TRDN: variants seen among roughly 807,000 people sequenced by gnomAD.
TRDN encodes triadin in skeletal muscle.
Under a neutral mutation model 149.7 loss-of-function variants are expected in TRDN, and 161 were observed. The observed-to-expected ratio is 1.08, with a 90% confidence interval of 0.95 to 1.23. TRDN has a LOEUF of 1.23. Ranked by LOEUF, TRDN falls within the 50% of genes most tolerant of loss-of-function variation. The pLI, the probability that TRDN is intolerant of heterozygous loss-of-function variation, is 0.00. For missense variants in TRDN, 896 were observed against 823.5 expected (o/e 1.09, Z -1.08); for synonymous variants, 294 against 250.5 (o/e 1.17, Z -1.64).
chr6:123,428,867 T>C (rs1774226178), intron 12 of TRDN, among the ~76,000 whole-genome samples: 2 of 152,198 alleles, frequency 1.3e-5, no homozygotes, highest in Admixed American at 6.5e-5. Flanking sequence ...AGACAAGATC[T>C]ATGTCTATTA....
chr6:123,272,276 A>G (rs1053150685), intron 29 of TRDN, among the ~76,000 whole-genome samples: 1 of 152,002 alleles, frequency 6.6e-6, no homozygotes, highest in African/African-American at 2.4e-5. Context: ...CAAATTGGGT[A>G]CATATTTCAG....
At chr6:123,295,690 G>A (rs533832583) in intron 24 of TRDN, among the ~76,000 whole-genome samples, 1 of 151,948 alleles carries the variant, frequency 6.6e-6, no homozygotes, top group East Asian at 1.9e-4. Context: ...ATCAATTAAC[G>A]TGGTAGCTCA....
At chr6:123,290,147 T>G (rs1777951827) in intron 24 of TRDN, among the ~76,000 whole-genome samples, 1 of 152,154 alleles carries the variant, frequency 6.6e-6, no homozygotes. Context: ...CCTTGAGTAA[T>G]GCAGTTCACT....
At chr6:123,301,991 T>C (rs920522676) in intron 24 of TRDN, among the ~76,000 whole-genome samples, 19 of 150,014 alleles carry the variant, frequency 1.3e-4, no homozygotes, top group African/African-American at 4.6e-4. Flanking sequence ...GTTATTCACC[T>C]ATACATCCTC....
At chr6:123,251,232 T>C (rs1227004213) in intron 38 of TRDN, among the ~76,000 whole-genome samples, 1 of 152,154 alleles carries the variant, frequency 6.6e-6, no homozygotes, top group Non-Finnish European at 1.5e-5. Flanking sequence ...TTGAATGACA[T>C]GTGGTATCAT....
chr6:123,233,489 A>G (rs1222284145), intron 38 of TRDN, among the ~76,000 whole-genome samples: 2 of 152,100 alleles, frequency 1.3e-5, no homozygotes, highest in African/African-American at 2.4e-5. Flanking sequence ...CATCACTCCC[A>G]GGATAAACAC....
chr6:123,375,095 A>G (rs550890715), intron 19 of TRDN, among the ~76,000 whole-genome samples: 10 of 152,304 alleles, frequency 6.6e-5, no homozygotes, highest in African/African-American at 2.4e-4. Context: ...CAAAGTTACC[A>G]TTGCTGCAAA....
At chr6:123,423,899 AT>A (rs1774011087) in intron 12 of TRDN, among the ~76,000 whole-genome samples, 1 of 152,112 alleles carries the variant, frequency 6.6e-6, no homozygotes, top group East Asian at 1.9e-4. Flanking sequence ...CTTAAAGACT[AT>A]GGACAGCACT....
chr6:123,298,109 A>G (rs1778269857), intron 24 of TRDN, among the ~76,000 whole-genome samples: 1 of 152,082 alleles, frequency 6.6e-6, no homozygotes, highest in Non-Finnish European at 1.5e-5. Context: ...CATTGTTTTA[A>G]AAACCAGATA....
chr6:123,326,281 C>T (rs1259061027), intron 23 of TRDN, among the ~76,000 whole-genome samples: 1 of 152,044 alleles, frequency 6.6e-6, no homozygotes. Flanking sequence ...TAGCCAGCTT[C>T]CAGCTCTAGA....
chr6:123,591,736 G>GA (rs1312730114), intron 1 of TRDN, among the ~76,000 whole-genome samples: 36 of 152,060 alleles, frequency 2.4e-4, no homozygotes, highest in Non-Finnish European at 3.8e-4. Flanking sequence ...AATCTATGAA[G>GA]AAAAAAACCA....
Position 123,337,682 on chromosome 6 carries a change from T to C in TRDN, c.1370-13A>G, listed in dbSNP as rs1779923903. Reference sequence around the variant, plus strand: ...TCTTTTCTAATTTCTGCAAGAGAGATCATGGGAAGAAAAAGTTACAAGGAA... The same window carrying C: ...TCTTTTCTAATTTCTGCAAGAGAGACCATGGGAAGAAAAAGTTACAAGGAA... On this transcript the variant is annotated splice_polypyrimidine_tract_variant and intron_variant, in intron 21 of 40. Coordinates refer to ENST00000334268, the MANE Select transcript of TRDN (RefSeq NM_006073.4). 13 of 1,439,028 alleles carry C rather than the reference T, an allele frequency of 9.0e-6. No homozygotes were observed. The highest frequency in any genetic ancestry group is 1.2e-5 in the Non-Finnish European group (13 of 1,073,146). 89.1% of individuals were successfully genotyped at this position (1,439,028 alleles called of 1,614,324 possible).
At chr6:123,225,917 G>C (rs974151504) in intron 38 of TRDN, among the ~76,000 whole-genome samples, 37 of 151,774 alleles carry the variant, frequency 2.4e-4, no homozygotes, top group African/African-American at 8.4e-4. Context: ...CTGAAAGAAG[G>C]TCAGTTTTGT....
chr6:123,331,670 T>G (rs1221621411), intron 23 of TRDN, among the ~76,000 whole-genome samples: 1 of 152,050 alleles, frequency 6.6e-6, no homozygotes, highest in Non-Finnish European at 1.5e-5. Context: ...TTTTGCAGTA[T>G]TTCTGATGCA....
At chr6:123,443,892 T>C (rs1433744637) in intron 10 of TRDN, among the ~76,000 whole-genome samples, 3 of 151,156 alleles carry the variant, frequency 2.0e-5, no homozygotes, top group Non-Finnish European at 4.4e-5. Flanking sequence ...TCTGTTTTGG[T>C]ACCAGTACCA....
chr6:123,224,869 A>G (rs1775298493), intron 38 of TRDN, among the ~76,000 whole-genome samples: 1 of 151,804 alleles, frequency 6.6e-6, no homozygotes, highest in Admixed American at 6.6e-5. Context: ...TGACACTAAA[A>G]GTATAGGCAA....
chr6:123,347,376 G>A (rs1780293985), intron 21 of TRDN, among the ~76,000 whole-genome samples: 2 of 151,610 alleles, frequency 1.3e-5, no homozygotes, highest in South Asian at 4.2e-4. Flanking sequence ...ATTTTTTATA[G>A]TTTTTTTTCT....
intron 38 of TRDN, among the ~76,000 whole-genome samples, chr6:123,240,374 A>G (rs958647569): frequency 3.3e-5 from 5 of 151,668 alleles, no homozygotes; most frequent in Admixed American, 1.3e-4. Context: ...CCAAAACTTC[A>G]TTTTCCAATA....
chr6:123,499,013 G>A (rs985388579), intron 8 of TRDN, among the ~76,000 whole-genome samples: 33 of 152,092 alleles, frequency 2.2e-4, no homozygotes, highest in African/African-American at 7.5e-4. Context: ...CTGGACCCTA[G>A]GAATATGCAT....
Sources: allele counts gnomAD v4.1 joint callset (sites outside exome capture counted in the v4.1 genomes callset), GRCh38; gene constraint gnomAD v4.1.1; transcripts MANE v1.5; gene names NCBI Gene and HGNC (gene_info 2026-07-23, HGNC 2026-07-21).